The following PZP variants were observed in gnomAD, a reference collection of about 807,000 sequenced individuals.
PZP encodes the protein PZP alpha-2-macroglobulin like.
In PZP, 150 loss-of-function variants were observed where a neutral mutation model predicts 179.8. The ratio of observed to expected loss-of-function variants is 0.83; its 90% confidence interval spans 0.73 to 0.96. The LOEUF is 0.96. Ranked by LOEUF, PZP falls within the 40% of genes least tolerant of loss-of-function variation. The pLI is 0.00. For synonymous variants in PZP, 624 were observed against 652.3 expected (o/e 0.96, Z 0.66); for missense variants, 1,689 against 1,764.0 (o/e 0.96, Z 0.76).
At chr12:9,162,176 G>C (rs1242964524) in intron 22 of PZP, 1 of 156,914 alleles carries the variant, frequency 6.4e-6, no homozygotes, top group Non-Finnish European at 1.4e-5. Flanking sequence ...TGGCCAGGCT[G>C]TTCTCAAACC....
chr12:9,176,939 A>C (rs1462790776), intron 15 of PZP, among the ~76,000 whole-genome samples: 1 of 152,160 alleles, frequency 6.6e-6, no homozygotes, highest in East Asian at 1.9e-4. Flanking sequence ...GATTTAAATG[A>C]TATTTAGCCT....
downstream of PZP, among the ~76,000 whole-genome samples, chr12:9,147,821 C>T (rs1940089907): frequency 6.6e-6 from 1 of 152,184 alleles, no homozygotes; most frequent in Non-Finnish European, 1.5e-5. Flanking sequence ...AGCAAAATAT[C>T]TTATAGCCTT....
rs775363722 is a variant in PZP, at chr12:9,165,127, C to A, written c.2487+12G>T. ...TCTACCCACCTTTCCTGTTCACCCT[C>A]ATTTTCCTTACCCGGATGCATTTGG... On this transcript the variant is annotated intron_variant, in intron 19 of 35. Coordinates refer to ENST00000261336, the MANE Select transcript of PZP (RefSeq NM_002864.3). The A allele has an allele frequency of 1.2e-6, 2 of 1,612,328 alleles. No individual in the cohort carries two copies. The highest frequency in any genetic ancestry group is 3.3e-5 in the Admixed American group (2 of 60,018).
chr12:9,192,152 G>A, intron 13 of PZP, 41 bp downstream of exon 13: 1 of 1,526,918 alleles, frequency 6.5e-7, no homozygotes, highest in Non-Finnish European at 9.1e-7. Context: ...GGGTAAGGAT[G>A]TGTTAGGGGA....
At chr12:9,152,348 C>T (rs751717947) in intron 31 of PZP, 38 bp from the exon 32 acceptor site, 113 of 1,543,636 alleles carry the variant, frequency 7.3e-5, no homozygotes, top group South Asian at 3.8e-4. Flanking sequence ...GGGTTTTATA[C>T]GTGAAAGAAA....
At chr12:9,151,835 C>T (rs1056806203) in intron 32 of PZP, among the ~76,000 whole-genome samples, 163 bp from the exon 33 acceptor site, 1 of 152,212 alleles carries the variant, frequency 6.6e-6, no homozygotes, top group East Asian at 1.9e-4. Context: ...ATCCAAGTAA[C>T]ACATTAGAGC....
intron 13 of PZP, among the ~76,000 whole-genome samples, chr12:9,184,795 T>C (rs1943000437): frequency 6.6e-6 from 1 of 151,878 alleles, no homozygotes. Flanking sequence ...AATCCAGGAG[T>C]CCTGAACTGA....
chr12:9,168,980 A>T lies in PZP; in HGVS notation c.2002-6T>A. The T allele has an allele frequency of 6.2e-7, 1 of 1,602,466 alleles. No homozygotes were observed. ...AACACCTTCAATCCCATCCCCTGGA[A>T]AAAAATAATTGTTCAATCTACTTGT... On this transcript the variant is annotated splice_polypyrimidine_tract_variant and splice_region_variant and intron_variant, in intron 16 of 35. Transcript: ENST00000261336.
At chr12:9,184,887 A>G (rs184685152) in intron 13 of PZP, among the ~76,000 whole-genome samples, 1 of 152,306 alleles carries the variant, frequency 6.6e-6, no homozygotes, top group Non-Finnish European at 1.5e-5. Flanking sequence ...TACCACAATC[A>G]AACCTCCAAG....
chr12:9,162,248 C>G, intron 22 of PZP: 1 of 184,066 alleles, frequency 5.4e-6, no homozygotes, highest in Non-Finnish European at 1.1e-5. Context: ...AAATGTGAGC[C>G]ACCACACCCG....
At chr12:9,158,783 ATGT>A (rs201438151) in intron 25 of PZP, among the ~76,000 whole-genome samples, 2,801 of 116,014 alleles carry the variant, frequency 0.024, 44 homozygotes, top group Non-Finnish European at 0.036. Flanking sequence ...TTGCTGCCAC[ATGT>A]TGTTCAATTC....
At chr12:9,199,696 A>G (rs1000602593) in intron 7 of PZP, among the ~76,000 whole-genome samples, 1 of 152,174 alleles carries the variant, frequency 6.6e-6, no homozygotes, top group Non-Finnish European at 1.5e-5. Context: ...TAAGATATTT[A>G]TAGATTCCTA....
intron 7 of PZP, among the ~76,000 whole-genome samples, chr12:9,198,045 C>CAT (rs11471363): frequency 9.9e-5 from 14 of 142,020 alleles, no homozygotes; most frequent in African/African-American, 1.8e-4. Context: ...TATATGCAAA[C>CAT]ATATATATAT....
At chr12:9,171,289 A>G (rs1447614679) in intron 15 of PZP, among the ~76,000 whole-genome samples, 1 of 152,186 alleles carries the variant, frequency 6.6e-6, no homozygotes, top group African/African-American at 2.4e-5. Flanking sequence ...GCTAAAAGAA[A>G]AACAAACAAA....
rs1286570298 is a variant in PZP, at chr12:9,170,610, A to T, written c.1840-1019T>A. 3.3e-5 allele frequency among the ~76,000 whole-genome samples: 5 copies of T among 151,850 alleles called. No homozygotes were observed. Among genetic ancestry groups the T allele is most frequent in the East Asian group, 1.9e-4 (1 of 5,180 alleles). On this transcript the variant is annotated intron_variant, in intron 15 of 35. Coordinates refer to ENST00000261336, the MANE Select transcript of PZP (RefSeq NM_002864.3). The surrounding 1 kb of genome is among the most constrained non-coding windows in gnomAD (Gnocchi z 4.6). ...GATGGACCTGAGTTCCTGCAGGGAG[A>T]GGTGGGTGCCATCTCTGTGGTTCTG...
intron 7 of PZP, among the ~76,000 whole-genome samples, chr12:9,199,464 T>C (rs1314567527): frequency 6.6e-6 from 1 of 152,148 alleles, no homozygotes; most frequent in East Asian, 1.9e-4. Context: ...GTTCTACCAT[T>C]GCACTATTTC....
At chr12:9,199,140 C>T (rs937279216) in intron 7 of PZP, among the ~76,000 whole-genome samples, 3 of 152,126 alleles carry the variant, frequency 2.0e-5, no homozygotes, top group African/African-American at 7.2e-5. Flanking sequence ...ACAGTAAGTT[C>T]TGATAGGGGA....
intron 15 of PZP, among the ~76,000 whole-genome samples, chr12:9,171,128 T>C (rs988009939): frequency 6.6e-6 from 1 of 152,166 alleles, no homozygotes; most frequent in Non-Finnish European, 1.5e-5. Flanking sequence ...CCCCACAGGA[T>C]GGAGTTTCTA....
At chr12:9,199,291 T>C (rs1944015884) in intron 7 of PZP, among the ~76,000 whole-genome samples, 1 of 152,196 alleles carries the variant, frequency 6.6e-6, no homozygotes, top group South Asian at 2.1e-4. Context: ...ACCTGTGATC[T>C]TTAGGTTTCT....
Sources: allele counts gnomAD v4.1 joint callset (sites outside exome capture counted in the v4.1 genomes callset), GRCh38; gene constraint gnomAD v4.1.1; non-coding constraint Gnocchi (gnomAD v3.1); transcripts MANE v1.5; gene names NCBI Gene and HGNC (gene_info 2026-07-23, HGNC 2026-07-21).